The following PRCD variants were observed in gnomAD, a reference collection of about 807,000 sequenced individuals.
PRCD encodes the protein photoreceptor disk component PRCD.
PRCD carries 12 observed loss-of-function variants against 10.1 expected under a neutral mutation model. The ratio of observed to expected loss-of-function variants is 1.18; its 90% CI spans 0.76 to 1.92. PRCD has a LOEUF of 1.92. PRCD is among the 40% of genes most tolerant of loss of function. The pLI is 0.00. For synonymous variants in PRCD, 31 were observed against 26.2 expected, an observed-to-expected ratio of 1.18 and a Z score of -0.56; for missense variants, 61 against 72.2, an observed-to-expected ratio of 0.84 and a Z score of 0.56.
chr17:76,529,103 TA>T, intron 1 of PRCD: 5 of 937,128 alleles, frequency 5.3e-6, no homozygotes, highest in Non-Finnish European at 6.2e-6. Flanking sequence ...GACGGCTCAA[TA>T]AACAGTGGCG....
chr17:76,534,996 A>C (rs1363831617), intron 1 of PRCD, among the ~76,000 whole-genome samples: 2 of 152,240 alleles, frequency 1.3e-5, no homozygotes, highest in African/African-American at 4.8e-5. Context: ...CAGCTCCCAG[A>C]GGCATCTGGG....
chr17:76,527,720 T>C (rs1269401743), upstream of PRCD: 2 of 453,916 alleles, frequency 4.4e-6, no homozygotes, highest in African/African-American at 4.0e-5. Context: ...GGGGCTGCCC[T>C]GGTGGCCAAG....
chr17:76,531,127 T>C lies in PRCD; in HGVS notation n.45+3294T>C, dbSNP rs1328299425. ...AATTCCTCGGCGACCACCTCCAGAA[T>C]GACCCCAGAGAGGATCTGGGGGCAA... is the stretch of plus-strand genomic sequence containing the variant. On this transcript the variant is annotated intron_variant and non_coding_transcript_variant, in intron 1 of 4. Coordinates refer to the PRCD transcript ENST00000397633. The surrounding 1 kb of genome is among the most constrained non-coding windows in gnomAD (Gnocchi z 7.4). 1.9e-6 allele frequency: 3 copies of C among 1,613,588 alleles called. No individual in the cohort carries two copies. The highest frequency in any genetic ancestry group is 1.7e-4 in the Middle Eastern group (1 of 6,008).
In PRCD at chr17:76,544,516, G is replaced by A. The variant is rs890510364; in HGVS notation, c.*866G>A. The A allele has an allele frequency of 1.1e-5, 5 of 456,402 alleles. No individual in the cohort carries two copies. The highest frequency in any genetic ancestry group is 9.4e-5 in the Admixed American group (4 of 42,564). 28.3% of individuals were successfully genotyped at this position (456,402 alleles called of 1,614,324 possible). ...GGCAGTTCTGTGGGAGCCTCTCAAAGTAGGGCAGGCAGGAGGCAGGGGGAA... is the reference window on the plus strand; with the variant it reads ...GGCAGTTCTGTGGGAGCCTCTCAAAATAGGGCAGGCAGGAGGCAGGGGGAA... On this transcript the variant is annotated 3_prime_UTR_variant, in exon 5 of 5. Transcript: ENST00000592014.
rs1404637737 is a variant in PRCD at position 76,530,618 on chromosome 17, C to G, written n.45+2785C>G. On this transcript the variant is annotated intron_variant and non_coding_transcript_variant, in intron 1 of 4. Transcript: ENST00000397633. This position sits in a 1 kb window ranked among gnomAD's most constrained non-coding sequence, Gnocchi z 6.1. ...CCCAGGGAGGAAGTGGCTGGGCTGA[C>G]CTGGGCTGCCTCCGAGCCTGATGAT... Among the ~76,000 whole-genome samples, 1 of 152,180 alleles carries G rather than the reference C, an allele frequency of 6.6e-6. No homozygotes were observed.
upstream of PRCD, chr17:76,539,980 C>G (rs778170546): frequency 1.9e-4 from 134 of 707,892 alleles, no homozygotes; most frequent in Non-Finnish European, 2.9e-4. Context: ...CTCACAAGGT[C>G]GGGGCCGCTG....
At position 76,531,384 on chromosome 17, in the gene PRCD, C is replaced by G; in HGVS notation, n.45+3551C>G. 2 of 1,518,932 alleles carry G rather than the reference C, an allele frequency of 1.3e-6. No individual in the cohort carries two copies. The highest frequency in any genetic ancestry group is 1.8e-6 in the Non-Finnish European group (2 of 1,113,002). 94.1% of individuals were successfully genotyped at this position (1,518,932 alleles called of 1,614,324 possible). ...GATCACCTCTGTTGCTCCAGAGAGC[C>G]GTCGCAGAGCCTGCGAGCTGCAGAT... On this transcript the variant is annotated intron_variant and non_coding_transcript_variant, in intron 1 of 4. Transcript: ENST00000397633. This position sits in a 1 kb window ranked among gnomAD's most constrained non-coding sequence, Gnocchi z 7.4.
At chr17:76,527,964 C>A in intron 1 of PRCD, 1 of 373,654 alleles carries the variant, frequency 2.7e-6, no homozygotes, top group South Asian at 1.9e-5. Context: ...CCAGCCCTGC[C>A]CCTCCAGGCC....
Position 76,540,253 on chromosome 17 carries a change from G to A in PRCD, c.74+38G>A, listed in dbSNP as rs111326198. 278 of 1,048,718 alleles carry A rather than the reference G, an allele frequency of 2.7e-4. 49 individuals carry two copies. Among genetic ancestry groups the A allele is most frequent in the Admixed American group, 8.9e-4 (42 of 47,208 alleles). The allele number at this position is 1,048,718 out of a possible 1,614,324, so 65.0% of individuals were successfully genotyped here. On this transcript the variant is annotated intron_variant, in intron 1 of 4. Transcript: ENST00000592014. The surrounding 1 kb of genome is among the most constrained non-coding windows in gnomAD (Gnocchi z 5.0). ...CCGGGCTATGGCTGGCGGTTGGTCG[G>A]GGGGGGGGGGCATGGGGCTGGGCTG...
At chr17:76,535,412 A>G (rs1208435660), upstream of PRCD, among the ~76,000 whole-genome samples, 1 of 152,188 alleles carries the variant, frequency 6.6e-6, no homozygotes, top group Non-Finnish European at 1.5e-5. Context: ...AGGAGCCCTT[A>G]TCCCCCTTTC....
intron 1 of PRCD, chr17:76,553,051 G>A (rs749068766): frequency 2.0e-4 from 31 of 151,664 alleles, no homozygotes; most frequent in Admixed American, 1.3e-3. Context: ...CGGTTTCTGC[G>A]GGTCAGCAGC....
chr17:76,528,488 T>G lies in PRCD; in HGVS notation n.45+655T>G. ...GAGTCAGGGATTCCTCCAGCTTCCT[T>G]GGCACCCAGAAATGGAGCGTCAAGG... On this transcript the variant is annotated intron_variant and non_coding_transcript_variant, in intron 1 of 4. Coordinates refer to the PRCD transcript ENST00000397633. This position sits in a 1 kb window ranked among gnomAD's most constrained non-coding sequence, Gnocchi z 5.8. 1 of 1,152,638 alleles carries G rather than the reference T, an allele frequency of 8.7e-7. No homozygotes were observed. 71.4% of individuals were successfully genotyped at this position (1,152,638 alleles called of 1,614,324 possible). A position where few individuals can be genotyped will look rare whatever the true frequency, so the allele number is the denominator to read the frequency against.
chr17:76,531,410 G>T lies in PRCD; in HGVS notation n.45+3577G>T, dbSNP rs748816119. ...GTCGCAGAGCCTGCGAGCTGCAGAT[G>T]GCCATGACGCGTGGGCGGTGGGGGC... On this transcript the variant is annotated intron_variant and non_coding_transcript_variant, in intron 1 of 4. Coordinates refer to the PRCD transcript ENST00000397633. This position sits in a 1 kb window ranked among gnomAD's most constrained non-coding sequence, Gnocchi z 7.4. 7 of 1,570,786 alleles carry T rather than the reference G, an allele frequency of 4.5e-6. No individual in the cohort carries two copies. The South Asian group carries it at 7.9e-5, about 18-fold the overall frequency.
At chr17:76,534,905 C>T (rs927628685) in intron 1 of PRCD, among the ~76,000 whole-genome samples, 1 of 152,248 alleles carries the variant, frequency 6.6e-6, no homozygotes. Context: ...CCTGGCTCTG[C>T]GGTGTTTCCA....
rs956479451 is a variant in PRCD at position 76,530,494 on chromosome 17, G to A, written n.45+2661G>A. ...GGCTGGGGTGTGTGTGTGTGTGTAT[G>A]TGTCCTCGTGATCCTCCGGGCTCTA... On this transcript the variant is annotated intron_variant and non_coding_transcript_variant, in intron 1 of 4. Coordinates refer to the PRCD transcript ENST00000397633. The surrounding 1 kb of genome is among the most constrained non-coding windows in gnomAD (Gnocchi z 6.1). 2.0e-5 allele frequency among the ~76,000 whole-genome samples: 3 copies of A among 152,172 alleles called. No individual in the cohort carries two copies. The highest frequency in any genetic ancestry group is 4.4e-5 in the Non-Finnish European group (3 of 68,026).
Position 76,528,030 on chromosome 17 carries a change from C to T in PRCD, n.45+197C>T. 2.7e-6 allele frequency: 1 copy of T among 369,176 alleles called. No individual in the cohort carries two copies. Among genetic ancestry groups the T allele is most frequent in the Non-Finnish European group, 5.3e-6 (1 of 189,768 alleles). 22.9% of individuals were successfully genotyped at this position (369,176 alleles called of 1,614,324 possible). A position where few individuals can be genotyped will look rare whatever the true frequency, so the allele number is the denominator to read the frequency against. Reference sequence around the variant, plus strand: ...CTTTGCCAGAACACTCTGTTCTCTGCACAACCGGAACCCCTCCCTGCCCCA... The same window carrying T: ...CTTTGCCAGAACACTCTGTTCTCTGTACAACCGGAACCCCTCCCTGCCCCA... On this transcript the variant is annotated intron_variant and non_coding_transcript_variant, in intron 1 of 4. Coordinates refer to the PRCD transcript ENST00000397633. The surrounding 1 kb of genome is among the most constrained non-coding windows in gnomAD (Gnocchi z 5.8).
chr17:76,550,364 G>C (rs2143217794), downstream of PRCD: 1 of 149,770 alleles, frequency 6.7e-6, no homozygotes, highest in Admixed American at 6.6e-5. Context: ...AGGTTCAAGT[G>C]ATTCTCCTGC....
Position 76,531,996 on chromosome 17 carries a change from T to C in PRCD, n.45+4163T>C, listed in dbSNP as rs1353287899. ...CAAACTCTACACCCCCTTCAAGCCC[T>C]GCTCTAGTCATAGCCGAGAGGGTAA... On this transcript the variant is annotated intron_variant and non_coding_transcript_variant, in intron 1 of 4. Coordinates refer to the PRCD transcript ENST00000397633. This position sits in a 1 kb window ranked among gnomAD's most constrained non-coding sequence, Gnocchi z 7.4. 3.5e-6 allele frequency: 1 copy of C among 288,420 alleles called. No individual in the cohort carries two copies. Among genetic ancestry groups the C allele is most frequent in the Non-Finnish European group, 6.6e-6 (1 of 151,742 alleles). 17.9% of individuals were successfully genotyped at this position (288,420 alleles called of 1,614,324 possible).
At position 76,530,956 on chromosome 17, in the gene PRCD, C is replaced by T; in HGVS notation, n.45+3123C>T. The T allele has an allele frequency of 6.5e-7, 1 of 1,548,938 alleles. No homozygotes were observed. Among genetic ancestry groups the T allele is most frequent in the African/African-American group, 1.4e-5 (1 of 73,416 alleles). On this transcript the variant is annotated intron_variant and non_coding_transcript_variant, in intron 1 of 4. Transcript: ENST00000397633. This position sits in a 1 kb window ranked among gnomAD's most constrained non-coding sequence, Gnocchi z 6.1. ...AGGACATGGCGGGGAGGCTGCCCAG[C>T]CCACCCTCGCCCGCCTCCTCACGTG...
Sources: gnomAD v4.1 joint callset for allele counts (sites outside exome capture counted in the v4.1 genomes callset) on GRCh38, gnomAD v4.1.1 for gene constraint, Gnocchi (gnomAD v3.1) non-coding constraint, MANE v1.5 for transcripts, NCBI Gene and HGNC (gene_info 2026-07-23, HGNC 2026-07-21) for gene names.